RORA: variants seen among roughly 807,000 people sequenced by gnomAD.
RORA encodes nuclear receptor ROR-alpha.
In RORA, 7 loss-of-function variants were observed where a neutral mutation model predicts 69.5. That is an observed-to-expected ratio of 0.10 (90% CI 0.06 to 0.19). RORA has a LOEUF of 0.19. RORA is among the 10% of genes least tolerant of loss of function. RORA has a pLI of 1.00. For missense variants in RORA, 457 were observed against 663.0 expected (o/e 0.69, Z 3.41); for synonymous variants, 261 against 240.8 (o/e 1.08, Z -0.78).
intron 2 of RORA, among the ~76,000 whole-genome samples, chr15:60,589,007 A>G (rs2068420168): frequency 6.6e-6 from 1 of 152,210 alleles, no homozygotes; most frequent in South Asian, 2.1e-4. Context: ...TGTCTTTAAA[A>G]GAACTGATCC....
At chr15:60,656,684 A>G (rs2070226605) in intron 2 of RORA, among the ~76,000 whole-genome samples, 1 of 152,216 alleles carries the variant, frequency 6.6e-6, no homozygotes, top group Non-Finnish European at 1.5e-5. Flanking sequence ...ACAGAGCCAG[A>G]CCACACAATG....
At chr15:60,538,390 C>T (rs973672955) in intron 2 of RORA, among the ~76,000 whole-genome samples, 2 of 152,104 alleles carry the variant, frequency 1.3e-5, no homozygotes, top group African/African-American at 4.8e-5. Flanking sequence ...TAAATGAGTG[C>T]TCACAAAGCT....
intron 2 of RORA, among the ~76,000 whole-genome samples, chr15:60,635,589 TG>T (rs1164648421): frequency 6.6e-6 from 1 of 152,192 alleles, no homozygotes; most frequent in African/African-American, 2.4e-5. Context: ...ATATACTTTC[TG>T]CCATCAAAAT....
intron 1 of RORA, among the ~76,000 whole-genome samples, chr15:61,177,416 A>C (rs1192028439): frequency 6.6e-6 from 1 of 152,190 alleles, no homozygotes; most frequent in Non-Finnish European, 1.5e-5. Flanking sequence ...TTGTTTTGAA[A>C]GGGAAACTTT....
chr15:61,138,801 TG>T (rs1339817188), intron 1 of RORA, among the ~76,000 whole-genome samples: 1 of 151,774 alleles, frequency 6.6e-6, no homozygotes, highest in African/African-American at 2.4e-5. Flanking sequence ...CAGAGATAAA[TG>T]CCATGACAGG....
At chr15:61,132,407 C>A (rs746239285) in intron 1 of RORA, among the ~76,000 whole-genome samples, 1 of 152,020 alleles carries the variant, frequency 6.6e-6, no homozygotes, top group Non-Finnish European at 1.5e-5. Flanking sequence ...AGTTTTTTCA[C>A]GGTAAAGTAT....
chr15:60,564,384 A>T (rs1001225512), intron 2 of RORA, among the ~76,000 whole-genome samples: 1 of 152,216 alleles, frequency 6.6e-6, no homozygotes, highest in Non-Finnish European at 1.5e-5. Context: ...TTATCTTAAC[A>T]TAATGCTCTT....
At chr15:60,592,872 C>T (rs1016131463) in intron 2 of RORA, 3 of 462,292 alleles carry the variant, frequency 6.5e-6, no homozygotes, top group Non-Finnish European at 1.3e-5. Context: ...CCACTTTCTG[C>T]CCCCACTCGG....
chr15:60,862,157 C>G lies in RORA; in HGVS notation c.167-183471G>C, dbSNP rs572833298. The stretch of plus-strand genomic sequence containing the variant: ...ATACAAATCTTTACCCACCTTTTTC[C>G]TCCTTTAGAATTTTTCTAACTCAGT... On this transcript the variant is annotated intron_variant, in intron 1 of 10. Transcript: ENST00000335670. Among the ~76,000 whole-genome samples the G allele has an allele frequency of 7.1e-4, 108 of 152,256 alleles. 1 individual carries two copies. Among genetic ancestry groups the G allele is most frequent in the African/African-American group, 2.5e-3 (105 of 41,556 alleles).
chr15:61,002,101 G>A (rs893000475), intron 1 of RORA, among the ~76,000 whole-genome samples: 1 of 152,206 alleles, frequency 6.6e-6, no homozygotes, highest in African/African-American at 2.4e-5. Context: ...TCTTTCAATA[G>A]AATGAATGGG....
intron 2 of RORA, among the ~76,000 whole-genome samples, chr15:60,630,888 C>CTTTTTTTTTTTTTTTTTT (rs542275787): frequency 9.1e-6 from 1 of 109,902 alleles, no homozygotes; most frequent in African/African-American, 3.8e-5. Context: ...ATGAGACTTT[C>CTTTTTTTTTTTTTTTTTT]TTTTTTTTTT....
At chr15:60,887,231 A>G (rs942467681) in intron 1 of RORA, among the ~76,000 whole-genome samples, 1 of 152,182 alleles carries the variant, frequency 6.6e-6, no homozygotes, top group Non-Finnish European at 1.5e-5. Flanking sequence ...TGATCTTTTA[A>G]CAGAGATGTA....
rs77831172 is a variant in RORA at position 60,724,292 on chromosome 15, T to C, written c.167-45606A>G. Among the ~76,000 whole-genome samples the C allele has an allele frequency of 3.3e-4, 51 of 152,342 alleles. No individual in the cohort carries two copies. In the East Asian group the frequency reaches 9.4e-3, roughly 28 times the overall value. On this transcript the variant is annotated intron_variant, in intron 1 of 10. Coordinates refer to ENST00000335670, the MANE Select transcript of RORA (RefSeq NM_134261.3). ...TCATTGAGGGCTCCTATGTGTTGAG[T>C]ACTGTTCCAAGCACTTTACATGTAT...
At chr15:61,090,667 C>T (rs1241717281) in intron 1 of RORA, among the ~76,000 whole-genome samples, 1 of 152,096 alleles carries the variant, frequency 6.6e-6, no homozygotes, top group Non-Finnish European at 1.5e-5. Flanking sequence ...AGCCAAAATC[C>T]ATCTATACTG....
intron 3 of RORA, among the ~76,000 whole-genome samples, chr15:60,527,763 T>A (rs944092603): frequency 7.2e-5 from 11 of 152,224 alleles, no homozygotes; most frequent in African/African-American, 2.7e-4. Context: ...AATTTGAGGA[T>A]GGTGTGCCTG....
chr15:60,906,724 A>T (rs1336742752), intron 1 of RORA, among the ~76,000 whole-genome samples: 1 of 152,140 alleles, frequency 6.6e-6, no homozygotes, highest in African/African-American at 2.4e-5. Flanking sequence ...AATCTTACTG[A>T]TAGCTTGGGA....
At chr15:60,543,642 C>CT (rs1482346979) in intron 2 of RORA, among the ~76,000 whole-genome samples, 6 of 151,800 alleles carry the variant, frequency 4.0e-5, no homozygotes, top group South Asian at 2.1e-4. Flanking sequence ...CCACACCTGG[C>CT]TTTTTTTTAT....
intron 2 of RORA, among the ~76,000 whole-genome samples, chr15:60,675,738 T>C (rs1054281549): frequency 3.9e-5 from 6 of 152,218 alleles, no homozygotes; most frequent in African/African-American, 1.4e-4. Flanking sequence ...GCTTTCCAGA[T>C]AACAAGGTGG....
At chr15:60,957,057 T>C (rs971827923) in intron 1 of RORA, among the ~76,000 whole-genome samples, 2 of 152,250 alleles carry the variant, frequency 1.3e-5, no homozygotes, top group African/African-American at 2.4e-5. Flanking sequence ...AGTCCATTCA[T>C]TCACTCATTC....
Sources: gnomAD v4.1 joint callset for allele counts (sites outside exome capture counted in the v4.1 genomes callset) on GRCh38, gnomAD v4.1.1 for gene constraint, MANE v1.5 for transcripts, NCBI Gene and HGNC (gene_info 2026-07-23, HGNC 2026-07-21) for gene names.